Variants in IQANK1 observed in about 807,000 individuals in gnomAD.
IQANK1 encodes IQ motif and ankyrin repeat containing 1.
A neutral mutation model predicts 22.6 loss-of-function variants in IQANK1; 30 were observed. The ratio of observed to expected loss-of-function variants is 1.33; its 90% confidence interval spans 0.99 to 1.80. IQANK1 has a LOEUF of 1.80. Among genes scored for constraint, IQANK1 ranks in the 40% most tolerant of loss-of-function variants. The pLI is 0.00. For missense variants in IQANK1, 275 were observed against 235.2 expected (o/e 1.17, Z -1.11); for synonymous variants, 122 against 99.6 (o/e 1.23, Z -1.34).
At chr8:143,761,940 T>C (rs971028818) in intron 3 of IQANK1, among the ~76,000 whole-genome samples, 7 of 152,026 alleles carry the variant, frequency 4.6e-5, no homozygotes, top group African/African-American at 1.7e-4. Flanking sequence ...GAGAGTGGGA[T>C]AGATATTGTA....
At chr8:143,777,413 G>C (rs1819708341) in intron 7 of IQANK1, among the ~76,000 whole-genome samples, 1 of 151,100 alleles carries the variant, frequency 6.6e-6, no homozygotes, top group Admixed American at 6.6e-5. Context: ...CTGCTCAGGG[G>C]GCTGAGGCAG....
intron 2 of IQANK1, among the ~76,000 whole-genome samples, chr8:143,736,392 G>A (rs1257491820): frequency 1.3e-5 from 2 of 151,976 alleles, no homozygotes; most frequent in African/African-American, 4.8e-5. Flanking sequence ...TGATCCGCCC[G>A]CCTCGGCCTC....
intron 7 of IQANK1, among the ~76,000 whole-genome samples, chr8:143,773,307 A>AAAC (rs797032966): frequency 7.0e-6 from 1 of 143,230 alleles, no homozygotes; most frequent in African/African-American, 2.9e-5. Context: ...ACTCAAAAAA[A>AAAC]AAAAAAAAAC....
At chr8:143,743,071 G>C in intron 3 of IQANK1, 1 of 455,766 alleles carries the variant, frequency 2.2e-6, no homozygotes, top group Non-Finnish European at 4.4e-6. Context: ...TGCTGCTATA[G>C]CAGCCACCAC....
intron 7 of IQANK1, among the ~76,000 whole-genome samples, chr8:143,780,921 G>A (rs944364366): frequency 6.6e-6 from 1 of 152,154 alleles, no homozygotes; most frequent in African/African-American, 2.4e-5. Flanking sequence ...CACAGTGGCT[G>A]AACTAATTTA....
At chr8:143,785,396 AC>A (rs1554631243) in intron 7 of IQANK1, among the ~76,000 whole-genome samples, 1 of 151,138 alleles carries the variant, frequency 6.6e-6, no homozygotes, top group African/African-American at 2.4e-5. Flanking sequence ...AGCTGGGACT[AC>A]CAGTGTGCAG....
chr8:143,785,567 T>C (rs1819870090), intron 7 of IQANK1, among the ~76,000 whole-genome samples: 1 of 151,350 alleles, frequency 6.6e-6, no homozygotes, highest in Non-Finnish European at 1.5e-5. Flanking sequence ...TTTTTATTTT[T>C]TATTTTCTTT....
At chr8:143,754,770 T>A (rs1475399712) in intron 3 of IQANK1, among the ~76,000 whole-genome samples, 2 of 151,996 alleles carry the variant, frequency 1.3e-5, no homozygotes, top group African/African-American at 4.8e-5. Flanking sequence ...GGACTACAGG[T>A]GCCAACCACC....
chr8:143,789,266 G>GC, intron 9 of IQANK1, 23 bp downstream of exon 9: 2 of 401,500 alleles, frequency 5.0e-6, no homozygotes, highest in Non-Finnish European at 8.8e-6. Context: ...TCAGGGAGGA[G>GC]CCAGGAAAGG....
chr8:143,786,562 C>T (rs538939101), intron 7 of IQANK1, among the ~76,000 whole-genome samples: 8 of 152,256 alleles, frequency 5.3e-5, no homozygotes, highest in South Asian at 2.1e-4. Context: ...TGCTAATGTA[C>T]GAATTAGCTC....
At position 143,752,996 on chromosome 8, in the gene IQANK1, G is replaced by GGTTT. The variant is rs368071885; in HGVS notation, c.175+13048_175+13049insGTTT. On this transcript the variant is annotated intron_variant, in intron 3 of 13. Transcript: ENST00000527139. ...CCCACAGGTCCCTTACTCTCTGTTC[G>GGTTT]TTTTTTTTTTTTTTTTTTTTTTTTT... Among the ~76,000 whole-genome samples, 43 of 69,942 alleles carry GGTTT rather than the reference G, an allele frequency of 6.1e-4. 1 individual carries two copies. The highest frequency in any genetic ancestry group is 2.4e-3 in the African/African-American group (39 of 16,084). 45.9% of individuals were successfully genotyped at this position (69,942 alleles called of 152,430 possible).
chr8:143,777,864 T>C (rs1819719015), intron 7 of IQANK1, among the ~76,000 whole-genome samples: 1 of 152,020 alleles, frequency 6.6e-6, no homozygotes, highest in African/African-American at 2.4e-5. Context: ...ATATAAATAA[T>C]CTCATTACAC....
At chr8:143,778,715 C>G (rs1029787299) in intron 7 of IQANK1, among the ~76,000 whole-genome samples, 50 of 152,196 alleles carry the variant, frequency 3.3e-4, no homozygotes, top group African/African-American at 1.1e-3. Flanking sequence ...CCATCTCGCC[C>G]CAGTATTGGT....
Position 143,774,505 on chromosome 8 carries a change from C to T in IQANK1, c.789+2023C>T, listed in dbSNP as rs1196236865. On this transcript the variant is annotated intron_variant, in intron 7 of 13. Coordinates refer to ENST00000527139, the MANE Select transcript of IQANK1 (RefSeq NM_001381874.1). The surrounding 1 kb of genome is among the most constrained non-coding windows in gnomAD (Gnocchi z 4.2). The stretch of plus-strand genomic sequence containing the variant: ...GCCCAGGTCAAACTAGAGCTGGAGC[C>T]GAACGAGGGCAGGGATGTGGGGAAG... Among the ~76,000 whole-genome samples the T allele has an allele frequency of 6.6e-6, 1 of 152,152 alleles. No individual in the cohort carries two copies. The highest frequency in any genetic ancestry group is 2.4e-5 in the African/African-American group (1 of 41,418).
At chr8:143,782,646 A>T (rs1308919401) in intron 7 of IQANK1, among the ~76,000 whole-genome samples, 1 of 151,962 alleles carries the variant, frequency 6.6e-6, no homozygotes, top group African/African-American at 2.4e-5. Flanking sequence ...ATGCCCAGCT[A>T]ATTTTGTATT....
At chr8:143,747,349 T>A (rs1449287097) in intron 3 of IQANK1, among the ~76,000 whole-genome samples, 2 of 152,198 alleles carry the variant, frequency 1.3e-5, no homozygotes, top group African/African-American at 4.8e-5. Flanking sequence ...TCCATGTTTT[T>A]ATATTCTCTA....
In IQANK1 at chr8:143,790,168, G is replaced by GCGGC; in HGVS notation, c.1323_1326dup (p.Thr443GlyfsTer74). ...TCTTGTTATTGACCCTTTGGGCCAG[G>GCGGC]CGGCCACCTTCCTGCGCTACCAGGA... On this transcript the variant is annotated frameshift_variant, in exon 13 of 14. Coordinates refer to ENST00000527139, the MANE Select transcript of IQANK1 (RefSeq NM_001381874.1). LOFTEE classifies it high-confidence loss of function. 2 of 1,232,092 alleles carry GCGGC rather than the reference G, an allele frequency of 1.6e-6. No individual in the cohort carries two copies. The highest frequency in any genetic ancestry group is 4.1e-5 in the South Asian group (1 of 24,324). 76.3% of individuals were successfully genotyped at this position (1,232,092 alleles called of 1,614,324 possible).
chr8:143,757,043 T>C (rs1249857397), intron 3 of IQANK1, among the ~76,000 whole-genome samples: 6 of 151,958 alleles, frequency 3.9e-5, no homozygotes, highest in Non-Finnish European at 8.8e-5. Context: ...TTCTGTGCTG[T>C]GATTTTCTTA....
chr8:143,756,096 A>G (rs552978450), intron 3 of IQANK1, among the ~76,000 whole-genome samples: 137 of 152,336 alleles, frequency 9.0e-4, no homozygotes, highest in African/African-American at 3.1e-3. Flanking sequence ...GGTGCACAAC[A>G]TCTTCACATT....
Sources: gnomAD v4.1 joint callset for allele counts (sites outside exome capture counted in the v4.1 genomes callset) on GRCh38, gnomAD v4.1.1 for gene constraint, Gnocchi (gnomAD v3.1) non-coding constraint, MANE v1.5 for transcripts, NCBI Gene and HGNC (gene_info 2026-07-23, HGNC 2026-07-21) for gene names.